EPC2: variants seen among roughly 807,000 people sequenced by gnomAD.
EPC2 encodes enhancer of polycomb homolog 2.
A neutral mutation model predicts 92.1 loss-of-function variants in EPC2; 14 were observed. The ratio of observed to expected loss-of-function variants is 0.15; its 90% CI spans 0.10 to 0.24. The LOEUF is 0.24. Among genes scored for constraint, EPC2 ranks in the 10% least tolerant of loss-of-function variants. The probability of loss-of-function intolerance (pLI) is 1.00; values close to 1 mark genes in which losing one functional copy is unlikely to be tolerated. For synonymous variants in EPC2, 340 were observed against 334.7 expected (o/e 1.02, Z -0.17); for missense variants, 755 against 971.5 (o/e 0.78, Z 2.96).
intron 1 of EPC2, among the ~76,000 whole-genome samples, chr2:148,687,549 A>C (rs1044445951): frequency 6.6e-6 from 1 of 152,182 alleles, no homozygotes; most frequent in Non-Finnish European, 1.5e-5. Flanking sequence ...TCCTTAGCCA[A>C]ATTTCATGGC....
At chr2:148,726,681 T>G (rs897860635) in intron 2 of EPC2, among the ~76,000 whole-genome samples, 3 of 151,886 alleles carry the variant, frequency 2.0e-5, no homozygotes, top group African/African-American at 7.2e-5. Context: ...ATATCTTCTT[T>G]GAAGACCTGT....
intron 1 of EPC2, among the ~76,000 whole-genome samples, chr2:148,652,000 G>A (rs1680696860): frequency 1.3e-5 from 2 of 152,072 alleles, no homozygotes; most frequent in Admixed American, 1.3e-4. Flanking sequence ...AAAATGAATG[G>A]GTTGAGAACT....
chr2:148,728,828 C>T (rs958058423), intron 2 of EPC2, among the ~76,000 whole-genome samples: 4 of 150,606 alleles, frequency 2.7e-5, no homozygotes, highest in Admixed American at 6.6e-5. Context: ...GTCGGGAGAT[C>T]GAGACCATCC....
At chr2:148,775,310 A>G (rs541358927) in intron 10 of EPC2, among the ~76,000 whole-genome samples, 3 of 152,182 alleles carry the variant, frequency 2.0e-5, no homozygotes, top group African/African-American at 7.2e-5. Flanking sequence ...AATTAATAGC[A>G]CATGCAAATA....
intron 10 of EPC2, among the ~76,000 whole-genome samples, chr2:148,778,385 C>T (rs1683686342): frequency 6.6e-6 from 1 of 152,174 alleles, no homozygotes; most frequent in African/African-American, 2.4e-5. Context: ...CACTCTATAA[C>T]TATTACCTCT....
chr2:148,753,028 C>G (rs889549623), intron 3 of EPC2, among the ~76,000 whole-genome samples: 1 of 152,288 alleles, frequency 6.6e-6, no homozygotes, highest in Middle Eastern at 3.4e-3. Context: ...CTTCCCAGCC[C>G]TAAAGTGGCA....
chr2:148,773,174 T>C (rs979819648), intron 10 of EPC2, among the ~76,000 whole-genome samples: 1 of 152,120 alleles, frequency 6.6e-6, no homozygotes, highest in African/African-American at 2.4e-5. Flanking sequence ...TGGTCCAAAA[T>C]ATAACTTAAT....
At chr2:148,662,162 AAAC>A (rs1462875684) in intron 1 of EPC2, among the ~76,000 whole-genome samples, 1 of 152,176 alleles carries the variant, frequency 6.6e-6, no homozygotes, top group Non-Finnish European at 1.5e-5. Context: ...AAAAGTCAGG[AAAC>A]AACAGGTGCT....
chr2:148,733,112 G>A (rs1385124450), intron 2 of EPC2, among the ~76,000 whole-genome samples: 15 of 122,266 alleles, frequency 1.2e-4, no homozygotes, highest in East Asian at 9.0e-4. Context: ...ATTTCTTGCC[G>A]TTAGCTCCCA....
At chr2:148,702,322 G>T (rs1472282506) in intron 2 of EPC2, among the ~76,000 whole-genome samples, 1 of 152,164 alleles carries the variant, frequency 6.6e-6, no homozygotes, top group East Asian at 1.9e-4. Flanking sequence ...ATTAGGAGAT[G>T]ATGAAAATTT....
chr2:148,714,306 G>A (rs889686268), intron 2 of EPC2, among the ~76,000 whole-genome samples: 6 of 152,096 alleles, frequency 3.9e-5, no homozygotes, highest in African/African-American at 1.4e-4. Flanking sequence ...GCATTAGCCA[G>A]TCTATCATCG....
chr2:148,781,963 T>C (rs1683758352), intron 11 of EPC2, among the ~76,000 whole-genome samples, 183 bp downstream of exon 11: 1 of 152,198 alleles, frequency 6.6e-6, no homozygotes, highest in Admixed American at 6.5e-5. Context: ...ACTAATCTCT[T>C]AATATTTTGA....
intron 1 of EPC2, among the ~76,000 whole-genome samples, chr2:148,671,633 T>G (rs1001940441): frequency 6.6e-6 from 1 of 152,096 alleles, no homozygotes; most frequent in Non-Finnish European, 1.5e-5. Flanking sequence ...AGTCATCTTT[T>G]CTATGGTCAT....
intron 4 of EPC2, among the ~76,000 whole-genome samples, chr2:148,759,579 G>T (rs1683261207): frequency 6.6e-6 from 1 of 151,970 alleles, no homozygotes; most frequent in Admixed American, 6.6e-5. Flanking sequence ...TTGTACTGTG[G>T]TTCTATGTGA....
chr2:148,743,586 TCTC>T, intron 2 of EPC2, 33 bp from the exon 3 acceptor site: 1 of 1,471,700 alleles, frequency 6.8e-7, no homozygotes, highest in Non-Finnish European at 9.0e-7. Flanking sequence ...TTTCATAATT[TCTC>T]CTGAGTTTGA....
Position 148,771,206 on chromosome 2 carries a change from T to C in EPC2, c.1539T>C (p.Leu513=). The C allele has an allele frequency of 6.2e-7, 1 of 1,613,988 alleles. No homozygotes were observed. Among genetic ancestry groups the C allele is most frequent in the Non-Finnish European group, 8.5e-7 (1 of 1,179,882 alleles). ...SSKHCENRLS[L]SEILSNIRSC... is the part of the protein sequence containing the mutation. The stretch of plus-strand genomic sequence containing the variant: ...AACATTGTGAAAATAGACTGTCTCT[T>C]TCTGAAATATTAAGCAATATCAGAT... The change falls in exon 10 of 14, where the codon CTT becomes CTC. Residue 513 remains leucine (L), a synonymous_variant. Transcript: ENST00000258484.
intron 1 of EPC2, among the ~76,000 whole-genome samples, chr2:148,663,677 C>CT (rs1680995104): frequency 8.5e-6 from 1 of 118,052 alleles, no homozygotes; most frequent in South Asian, 2.9e-4. Context: ...CTTATTCACT[C>CT]TATAGCAGTA....
chr2:148,670,227 A>G (rs1230158450), intron 1 of EPC2, among the ~76,000 whole-genome samples: 2 of 152,126 alleles, frequency 1.3e-5, no homozygotes, highest in Non-Finnish European at 2.9e-5. Flanking sequence ...CTTAAAGAGC[A>G]CTGGCCTTCA....
rs371689485 is a variant in EPC2, at chr2:148,783,721, G to T, written c.1982G>T (p.Gly661Val). ...RSEVAKEQNT[G>V]HNNINGVVQP... Reference sequence around the variant, plus strand: ...GAGGTAGCCAAGGAACAGAACACTGGCCACAACAACATAAACGGTGTTGTC... The same window carrying T: ...GAGGTAGCCAAGGAACAGAACACTGTCCACAACAACATAAACGGTGTTGTC... Residue 661 changes from glycine to valine, a missense_variant, in exon 12 of 14, where the codon GGC becomes GTC. Gly to Val is a moderately radical substitution (Grantham distance 109). Around this residue, in one of 4 missense-constraint regions of EPC2, gnomAD observed 207 missense variants for 260.5 expected, o/e 0.79. Transcript: ENST00000258484. The T allele has an allele frequency of 1.9e-5, 31 of 1,592,382 alleles. No individual in the cohort carries two copies. The highest frequency in any genetic ancestry group is 2.5e-5 in the Non-Finnish European group (29 of 1,168,574).
Sources: allele counts gnomAD v4.1 joint callset (sites outside exome capture counted in the v4.1 genomes callset), GRCh38; gene constraint gnomAD v4.1.1; regional missense constraint gnomAD v4.1.1; transcripts MANE v1.5; gene names NCBI Gene and HGNC (gene_info 2026-07-23, HGNC 2026-07-21).